The following TOMM20L variants were observed in gnomAD, a reference collection of about 807,000 sequenced individuals.
TOMM20L encodes translocase of outer mitochondrial membrane 20 like.
Under a neutral mutation model 20.4 loss-of-function variants are expected in TOMM20L, and 19 were observed. The observed-to-expected ratio is 0.93, with a 90% CI of 0.65 to 1.36. The LOEUF (loss-of-function observed/expected upper bound fraction) is 1.36, where lower values mean the gene tolerates loss of function less well. TOMM20L is among the 40% of genes most tolerant of loss of function. The pLI, the probability that TOMM20L is intolerant of heterozygous loss-of-function variation, is 0.00. For missense variants in TOMM20L, 218 were observed against 203.7 expected, an observed-to-expected ratio of 1.07 and a Z score of -0.43; for synonymous variants, 75 against 79.6, an observed-to-expected ratio of 0.94 and a Z score of 0.30.
chr14:58,406,004 A>G lies in TOMM20L; in HGVS notation c.263-1322A>G, dbSNP rs2140305227. On this transcript the variant is annotated intron_variant, in intron 3 of 4. Transcript: ENST00000360945. Reference sequence around the variant, plus strand: ...AACATTGAGAACCAACCAGTACAGTATTCTATCCAATGTGGCAATTTTTCA... The same window carrying G: ...AACATTGAGAACCAACCAGTACAGTGTTCTATCCAATGTGGCAATTTTTCA... Among the ~76,000 whole-genome samples the G allele has an allele frequency of 1.3e-5, 2 of 152,272 alleles. 1 individual carries two copies. The highest frequency in any genetic ancestry group is 4.1e-4 in the South Asian group (2 of 4,820).
At chr14:58,398,587 G>C (rs1287463669) in intron 2 of TOMM20L, 1 of 152,054 alleles carries the variant, frequency 6.6e-6, no homozygotes, top group Non-Finnish European at 1.5e-5. Context: ...GACAATTCTG[G>C]TTCCAGTGTG....
intron 2 of TOMM20L, chr14:58,398,699 A>G (rs898818328): frequency 6.6e-6 from 1 of 151,124 alleles, no homozygotes; most frequent in African/African-American, 2.4e-5. Context: ...TAATTATAAT[A>G]TAATCTAATT....
chr14:58,413,666 T>G (rs1054545496), downstream of TOMM20L, among the ~76,000 whole-genome samples: 2 of 152,226 alleles, frequency 1.3e-5, no homozygotes, highest in Non-Finnish European at 2.9e-5. Flanking sequence ...ATTTATTTAC[T>G]ATATCCTGGC....
intron 3 of TOMM20L, among the ~76,000 whole-genome samples, chr14:58,403,485 T>G (rs911069533): frequency 6.6e-6 from 1 of 152,234 alleles, no homozygotes; most frequent in African/African-American, 2.4e-5. Flanking sequence ...TTTACTGTGT[T>G]TAGTGGAGTG....
At chr14:58,396,775 A>C (rs999191170) in intron 2 of TOMM20L, among the ~76,000 whole-genome samples, 3 of 152,152 alleles carry the variant, frequency 2.0e-5, no homozygotes, top group Non-Finnish European at 4.4e-5. Flanking sequence ...TCTGCGGCAA[A>C]ATTTGATTAG....
At chr14:58,402,494 G>C (rs1451098038) in intron 2 of TOMM20L, among the ~76,000 whole-genome samples, 186 bp from the exon 3 acceptor site, 4 of 151,890 alleles carry the variant, frequency 2.6e-5, no homozygotes, top group African/African-American at 9.7e-5. Flanking sequence ...CTCCATGTTG[G>C]TCAGGCTGGT....
At chr14:58,409,511 G>C (rs1422706410), downstream of TOMM20L, among the ~76,000 whole-genome samples, 1 of 152,106 alleles carries the variant, frequency 6.6e-6, no homozygotes, top group Non-Finnish European at 1.5e-5. Flanking sequence ...CCAGTAGTAA[G>C]TTTGTTCCTT....
chr14:58,401,844 CCA>C (rs1566742262), intron 2 of TOMM20L, among the ~76,000 whole-genome samples: 1 of 152,178 alleles, frequency 6.6e-6, no homozygotes, highest in Non-Finnish European at 1.5e-5. Context: ...CACTCCCCTG[CCA>C]ACCCCCAACC....
At chr14:58,412,203 C>T (rs530843295), downstream of TOMM20L, 45 of 368,330 alleles carry the variant, frequency 1.2e-4, no homozygotes, top group East Asian at 2.2e-4. Flanking sequence ...AGCGCAGTGG[C>T]GCCATCTTGG....
chr14:58,405,988 A>G (rs913397499), intron 3 of TOMM20L, among the ~76,000 whole-genome samples: 1 of 152,196 alleles, frequency 6.6e-6, no homozygotes, highest in Admixed American at 6.5e-5. Context: ...AAACATTGAG[A>G]ACCAACCAGT....
chr14:58,412,815 C>T (rs148584547), downstream of TOMM20L, among the ~76,000 whole-genome samples: 2,470 of 152,016 alleles, frequency 0.016, 74 homozygotes, highest in African/African-American at 0.056. Context: ...GCAGGAGAAT[C>T]GCTTGAACTC....
downstream of TOMM20L, chr14:58,411,971 C>T: frequency 6.2e-7 from 1 of 1,610,624 alleles, no homozygotes; most frequent in Non-Finnish European, 8.5e-7. Context: ...TTATTAGTCA[C>T]CTAATTTAAA....
chr14:58,411,792 C>T, downstream of TOMM20L: 1 of 919,062 alleles, frequency 1.1e-6, no homozygotes. Context: ...CCACCTGGGC[C>T]TCCCAACGTG....
the TOMM20L span, among the ~76,000 whole-genome samples, chr14:58,416,551 A>AC: frequency 6.6e-6 from 1 of 152,244 alleles, no homozygotes; most frequent in East Asian, 1.9e-4. Flanking sequence ...AAGTTTCTAA[A>AC]CGAAGAAAAT....
Position 58,407,339 on chromosome 14 carries a change from G to A in TOMM20L, c.276G>A (p.Met92Ile), listed in dbSNP as rs1338235075. ...ATTCTGTTTCAGGAGAGCACAGAAT[G>A]GGGATTCAACACCTCGGCAATGCCC... Reference protein sequence around the residue: ...ELWLSRGEHRMGIQHLGNALL... With the variant: ...ELWLSRGEHRIGIQHLGNALL... Residue 92 changes from methionine to isoleucine, a missense_variant, in exon 4 of 5, where the codon ATG becomes ATA. By Grantham distance (10) the Met-to-Ile change is conservative (BLOSUM62 1). Coordinates refer to ENST00000360945, the MANE Select transcript of TOMM20L (RefSeq NM_207377.3). 5 of 1,606,690 alleles carry A rather than the reference G, an allele frequency of 3.1e-6. No individual in the cohort carries two copies. Among genetic ancestry groups the A allele is most frequent in the East Asian group, 2.3e-5 (1 of 44,268 alleles).
chr14:58,410,883 C>A (rs1432329127), downstream of TOMM20L: 6 of 1,613,162 alleles, frequency 3.7e-6, no homozygotes, highest in Admixed American at 1.7e-5. Context: ...GTCTTTAACA[C>A]AGTCCAAAAA....
At chr14:58,405,920 T>A (rs2036051856) in intron 3 of TOMM20L, among the ~76,000 whole-genome samples, 1 of 152,198 alleles carries the variant, frequency 6.6e-6, no homozygotes, top group Admixed American at 6.5e-5. Context: ...TAAATCAGAA[T>A]CTATGGGGCT....
chr14:58,409,079 A>T (rs1178199575), downstream of TOMM20L: 2 of 1,614,000 alleles, frequency 1.2e-6, no homozygotes, highest in South Asian at 2.2e-5. Flanking sequence ...CCAGGGCTTC[A>T]TTCTGCTGAA....
At chr14:58,410,899 T>A, downstream of TOMM20L, 1 of 1,613,680 alleles carries the variant, frequency 6.2e-7, no homozygotes, top group Non-Finnish European at 8.5e-7. Flanking sequence ...AAAAAGCAGG[T>A]CTCTGTAAGT....
Sources: gnomAD v4.1 joint callset for allele counts (sites outside exome capture counted in the v4.1 genomes callset) on GRCh38, gnomAD v4.1.1 for gene constraint, MANE v1.5 for transcripts, NCBI Gene and HGNC (gene_info 2026-07-23, HGNC 2026-07-21) for gene names.